Variants in SPAG16 observed in about 807,000 individuals in gnomAD.
The protein encoded by SPAG16 is sperm associated antigen 16, also known as sperm-associated antigen 16 protein.
A neutral mutation model predicts 80.4 loss-of-function variants in SPAG16; 86 were observed. The observed-to-expected ratio is 1.07, with a 90% CI of 0.90 to 1.28. The LOEUF (loss-of-function observed/expected upper bound fraction) is 1.28, where lower values mean the gene tolerates loss of function less well. SPAG16 is among the 50% of genes most tolerant of loss of function. SPAG16 has a pLI of 0.00. For synonymous variants in SPAG16, 294 were observed against 265.9 expected (o/e 1.11, Z -1.03); for missense variants, 870 against 765.3 (o/e 1.14, Z -1.61).
At position 214,149,042 on chromosome 2, in the gene SPAG16, A is replaced by AGT. The variant is rs1423710514; in HGVS notation, c.1594-87_1594-86dup. ...TTACTATATGTATTTGTATATATGT[A>AGT]GTGTGTGTGTGTATATATATATGTG... On this transcript the variant is annotated intron_variant, in intron 14 of 15. Coordinates refer to ENST00000331683, the MANE Select transcript of SPAG16 (RefSeq NM_024532.5). The AGT allele has an allele frequency of 1.9e-5, 7 of 368,472 alleles. No homozygotes were observed. In the East Asian group the frequency reaches 4.0e-4, roughly 21 times the overall value. 22.8% of individuals were successfully genotyped at this position (368,472 alleles called of 1,614,324 possible).
chr2:213,372,920 G>A (rs2125189667), intron 8 of SPAG16, among the ~76,000 whole-genome samples: 1 of 152,296 alleles, frequency 6.6e-6, no homozygotes, highest in South Asian at 2.1e-4. Flanking sequence ...TTGATTAAAT[G>A]TGTACACACA....
At chr2:213,362,080 G>T (rs961158844) in intron 7 of SPAG16, among the ~76,000 whole-genome samples, 2 of 151,976 alleles carry the variant, frequency 1.3e-5, no homozygotes, top group Non-Finnish European at 2.9e-5. Context: ...CCAGATGTTG[G>T]GCACAAGGGA....
chr2:213,315,932 T>C (rs142231951), intron 4 of SPAG16, among the ~76,000 whole-genome samples: 1 of 152,108 alleles, frequency 6.6e-6, no homozygotes, highest in Non-Finnish European at 1.5e-5. Context: ...GTGTAGTGTT[T>C]ATGGCTCACT....
intron 9 of SPAG16, among the ~76,000 whole-genome samples, chr2:213,487,255 T>C (rs2074023627): frequency 6.6e-6 from 1 of 152,086 alleles, no homozygotes. Context: ...GCCTAGTGAG[T>C]TCAATGTGCA....
chr2:213,411,187 A>C (rs1325184790), intron 9 of SPAG16, among the ~76,000 whole-genome samples: 5 of 152,214 alleles, frequency 3.3e-5, no homozygotes, highest in African/African-American at 1.2e-4. Context: ...CAACAACCAG[A>C]GGAAGGAAAA....
At chr2:214,082,093 CT>C (rs948767480) in intron 13 of SPAG16, among the ~76,000 whole-genome samples, 3 of 152,150 alleles carry the variant, frequency 2.0e-5, no homozygotes, top group Non-Finnish European at 4.4e-5. Flanking sequence ...GCCTTTCTTC[CT>C]GGCTCTTCTT....
intron 15 of SPAG16, among the ~76,000 whole-genome samples, chr2:214,152,741 G>A (rs896358916): frequency 1.5e-4 from 23 of 152,176 alleles, no homozygotes; most frequent in African/African-American, 5.5e-4. Context: ...GGTAAAGAGT[G>A]TGAGTCATCT....
At chr2:213,309,258 C>A (rs2063080686) in intron 3 of SPAG16, among the ~76,000 whole-genome samples, 1 of 152,042 alleles carries the variant, frequency 6.6e-6, no homozygotes, top group African/African-American at 2.4e-5. Context: ...TGCATCCATA[C>A]ATAATATGTA....
chr2:213,759,544 T>C (rs2068534497), intron 10 of SPAG16, among the ~76,000 whole-genome samples: 2 of 152,038 alleles, frequency 1.3e-5, no homozygotes, highest in African/African-American at 4.8e-5. Context: ...TTATTGCAGT[T>C]ATGGTGGTAC....
At chr2:214,068,459 C>A (rs188925617) in intron 13 of SPAG16, among the ~76,000 whole-genome samples, 74 of 152,128 alleles carry the variant, frequency 4.9e-4, no homozygotes, top group African/African-American at 1.6e-3. Flanking sequence ...ACCATGGTTC[C>A]CACATAGTAC....
chr2:214,126,902 A>G (rs2054523805), intron 14 of SPAG16, among the ~76,000 whole-genome samples: 1 of 151,910 alleles, frequency 6.6e-6, no homozygotes. Context: ...GATTATCCCC[A>G]AGTACTTAAG....
At chr2:214,334,039 C>T (rs1233663525) in intron 15 of SPAG16, among the ~76,000 whole-genome samples, 1 of 152,206 alleles carries the variant, frequency 6.6e-6, no homozygotes, top group African/African-American at 2.4e-5. Context: ...TAGGTAATCT[C>T]TCCCATATCC....
chr2:213,984,301 CAG>C (rs2045903557), intron 12 of SPAG16, among the ~76,000 whole-genome samples: 1 of 152,042 alleles, frequency 6.6e-6, no homozygotes, highest in Non-Finnish European at 1.5e-5. Context: ...AAATGTTTGA[CAG>C]TGTGCACACA....
intron 9 of SPAG16, among the ~76,000 whole-genome samples, chr2:213,434,673 T>C (rs1233098544): frequency 6.6e-6 from 1 of 152,118 alleles, no homozygotes; most frequent in African/African-American, 2.4e-5. Context: ...CAAAAGAAGA[T>C]ATATAAATGG....
intron 12 of SPAG16, among the ~76,000 whole-genome samples, chr2:213,958,959 C>T (rs956874179): frequency 3.9e-5 from 6 of 152,138 alleles, no homozygotes; most frequent in Admixed American, 2.6e-4. Context: ...AACAAACCAC[C>T]TTAATGTTTG....
chr2:213,545,856 T>C (rs563345637), intron 10 of SPAG16, among the ~76,000 whole-genome samples: 1 of 152,220 alleles, frequency 6.6e-6, no homozygotes, highest in Admixed American at 6.5e-5. Context: ...AATGTTGATG[T>C]CCATAGGTCT....
intron 10 of SPAG16, among the ~76,000 whole-genome samples, chr2:213,792,285 T>G (rs2125611464): frequency 6.6e-6 from 1 of 152,326 alleles, no homozygotes; most frequent in Admixed American, 6.5e-5. Context: ...CAATATTCCA[T>G]TTGACTTCAT....
chr2:213,670,998 G>C lies in SPAG16; in HGVS notation c.1070+180908G>C, dbSNP rs533369795. Among the ~76,000 whole-genome samples the C allele has an allele frequency of 3.7e-4, 57 of 152,262 alleles. No individual in the cohort carries two copies. In the South Asian group the frequency reaches 0.011, roughly 30 times the overall value. On this transcript the variant is annotated intron_variant, in intron 10 of 15. Coordinates refer to ENST00000331683, the MANE Select transcript of SPAG16 (RefSeq NM_024532.5). The stretch of plus-strand genomic sequence containing the variant: ...GGAACCATCACATGGATACATAAAA[G>C]TGTCTTTAATTGTGAAAGCAACTAT...
intron 11 of SPAG16, among the ~76,000 whole-genome samples, chr2:213,887,769 A>AG (rs984765379): frequency 6.6e-6 from 1 of 151,746 alleles, no homozygotes; most frequent in Non-Finnish European, 1.5e-5. Flanking sequence ...CAACATGTAA[A>AG]GAAACAATTC....
Sources: allele counts gnomAD v4.1 joint callset (sites outside exome capture counted in the v4.1 genomes callset), GRCh38; gene constraint gnomAD v4.1.1; transcripts MANE v1.5; gene names NCBI Gene and HGNC (gene_info 2026-07-23, HGNC 2026-07-21).